LPAR1: variants seen among roughly 807,000 people sequenced by gnomAD.
The protein encoded by LPAR1 is LPA receptor 1.
Under a neutral mutation model 23.8 loss-of-function variants are expected in LPAR1, and 5 were observed. The ratio of observed to expected loss-of-function variants is 0.21; its 90% CI spans 0.11 to 0.44. The LOEUF (loss-of-function observed/expected upper bound fraction) is 0.44. Ranked by LOEUF, LPAR1 falls within the 20% of genes least tolerant of loss-of-function variation. The pLI, the probability that LPAR1 is intolerant of heterozygous loss-of-function variation, is 0.99. For missense variants in LPAR1, 311 were observed against 482.8 expected, an observed-to-expected ratio of 0.64 and a Z score of 3.33; for synonymous variants, 160 against 164.7, an observed-to-expected ratio of 0.97 and a Z score of 0.22.
At chr9:110,963,705 A>G (rs2137534280) in intron 4 of LPAR1, among the ~76,000 whole-genome samples, 1 of 152,328 alleles carries the variant, frequency 6.6e-6, no homozygotes, top group African/African-American at 2.4e-5. Flanking sequence ...AATCATGGGG[A>G]AAAGGGAAAG....
chr9:110,969,419 T>C (rs190372225), intron 4 of LPAR1, among the ~76,000 whole-genome samples: 1 of 152,270 alleles, frequency 6.6e-6, no homozygotes, highest in East Asian at 1.9e-4. Flanking sequence ...ATTTTAAAAC[T>C]ACTGAATAGT....
chr9:110,971,977 CA>C (rs1460469035), intron 4 of LPAR1, 95 bp downstream of exon 4: 2 of 1,029,938 alleles, frequency 1.9e-6, no homozygotes, highest in Non-Finnish European at 3.1e-6. Context: ...GAGAGATATA[CA>C]TGATCCCTAG....
intron 2 of LPAR1, among the ~76,000 whole-genome samples, chr9:111,012,490 CACACAT>C (rs1379055660): frequency 6.6e-6 from 1 of 151,776 alleles, no homozygotes; most frequent in African/African-American, 2.4e-5. Context: ...CACACACACA[CACACAT>C]ACACACTCAG....
intron 2 of LPAR1, among the ~76,000 whole-genome samples, chr9:111,002,225 G>A (rs907414326): frequency 4.6e-5 from 7 of 152,124 alleles, no homozygotes; most frequent in Admixed American, 4.6e-4. Flanking sequence ...TTCAATTCCA[G>A]AGGCAATTTT....
intron 2 of LPAR1, among the ~76,000 whole-genome samples, chr9:111,014,774 T>C (rs2097406037): frequency 6.6e-6 from 1 of 152,010 alleles, no homozygotes; most frequent in Admixed American, 6.6e-5. Flanking sequence ...CACATCCAAA[T>C]GCATTATAGA....
At chr9:111,033,700 C>T in intron 2 of LPAR1, among the ~76,000 whole-genome samples, 1 of 152,072 alleles carries the variant, frequency 6.6e-6, no homozygotes, top group Non-Finnish European at 1.5e-5. Context: ...TACAGGCGCC[C>T]AGCATCACAC....
intron 2 of LPAR1, among the ~76,000 whole-genome samples, chr9:111,001,353 G>A (rs759530588): frequency 3.9e-5 from 6 of 152,142 alleles, no homozygotes; most frequent in Non-Finnish European, 8.8e-5. Flanking sequence ...TAGAAGTAGA[G>A]GACTTGACCT....
At chr9:110,982,859 CAT>C (rs1403255659) in intron 2 of LPAR1, among the ~76,000 whole-genome samples, 45 of 130,988 alleles carry the variant, frequency 3.4e-4, no homozygotes, top group Non-Finnish European at 6.2e-4. Context: ...TGTATATACA[CAT>C]ACACACACAC....
chr9:110,905,355 T>A lies in LPAR1; in HGVS notation c.794-29633A>T, dbSNP rs76836336. Reference sequence around the variant, plus strand: ...GCCTTTGCTTTTTTTTATTATTTTTTTTTTTTTGCAGAAGGGGTCTCGCTC... The same window carrying A: ...GCCTTTGCTTTTTTTTATTATTTTTATTTTTTTGCAGAAGGGGTCTCGCTC... On this transcript the variant is annotated intron_variant, in intron 5 of 5. Transcript: ENST00000683809. Among the ~76,000 whole-genome samples the A allele has an allele frequency of 3.8e-3, 582 of 151,688 alleles. 2 individuals carry two copies. The highest frequency in any genetic ancestry group is 0.013 in the African/African-American group (522 of 41,288).
At chr9:110,937,322 C>T (rs1235059231) in intron 5 of LPAR1, among the ~76,000 whole-genome samples, 5 of 152,134 alleles carry the variant, frequency 3.3e-5, no homozygotes, top group Non-Finnish European at 7.3e-5. Flanking sequence ...ACAGCATGTG[C>T]TGCTAGTTGT....
At chr9:110,961,237 G>A (rs1406241849) in intron 4 of LPAR1, among the ~76,000 whole-genome samples, 1 of 148,434 alleles carries the variant, frequency 6.7e-6, no homozygotes, top group Non-Finnish European at 1.5e-5. Context: ...AAAGCCAAAT[G>A]TGGTCCTAAG....
At chr9:110,982,567 T>C (rs903485650) in intron 2 of LPAR1, among the ~76,000 whole-genome samples, 2 of 152,012 alleles carry the variant, frequency 1.3e-5, no homozygotes, top group Non-Finnish European at 2.9e-5. Context: ...ATGGCACATG[T>C]ATACTTATGT....
intron 5 of LPAR1, among the ~76,000 whole-genome samples, chr9:110,891,878 G>A (rs2084283641): frequency 6.6e-6 from 1 of 152,208 alleles, no homozygotes; most frequent in African/African-American, 2.4e-5. Context: ...CAATTTAGAA[G>A]AGTGACCCTA....
chr9:110,995,246 A>T (rs1437754443), intron 2 of LPAR1, among the ~76,000 whole-genome samples: 1 of 152,162 alleles, frequency 6.6e-6, no homozygotes, highest in Non-Finnish European at 1.5e-5. Context: ...TTATTTTCAA[A>T]GTTTGAGAGC....
chr9:110,969,203 C>A (rs1439114869), intron 4 of LPAR1, among the ~76,000 whole-genome samples: 1 of 152,018 alleles, frequency 6.6e-6, no homozygotes, highest in Non-Finnish European at 1.5e-5. Flanking sequence ...TTTTTGTCCT[C>A]TTGGGGCAAT....
At chr9:111,011,608 T>C (rs887994431) in intron 2 of LPAR1, among the ~76,000 whole-genome samples, 1 of 152,224 alleles carries the variant, frequency 6.6e-6, no homozygotes, top group Non-Finnish European at 1.5e-5. Context: ...CTCATAATTC[T>C]ATTTTGCAGA....
intron 2 of LPAR1, among the ~76,000 whole-genome samples, chr9:111,032,698 G>A (rs1446864206): frequency 2.0e-5 from 3 of 152,150 alleles, no homozygotes; most frequent in Non-Finnish European, 2.9e-5. Context: ...AGAACAGATC[G>A]ATATAAAGTC....
intron 2 of LPAR1, among the ~76,000 whole-genome samples, chr9:111,001,704 G>A (rs1406880984): frequency 6.6e-6 from 1 of 152,096 alleles, no homozygotes; most frequent in Non-Finnish European, 1.5e-5. Flanking sequence ...GTTATTCTGT[G>A]CTAACAATCT....
intron 4 of LPAR1, among the ~76,000 whole-genome samples, chr9:110,948,134 T>A (rs929238982): frequency 6.6e-6 from 1 of 152,220 alleles, no homozygotes; most frequent in Non-Finnish European, 1.5e-5. Context: ...TAAGACTTTT[T>A]AAATTCTTAT....
Sources: allele counts gnomAD v4.1 joint callset (sites outside exome capture counted in the v4.1 genomes callset), GRCh38; gene constraint gnomAD v4.1.1; transcripts MANE v1.5; gene names NCBI Gene and HGNC (gene_info 2026-07-23, HGNC 2026-07-21).